The following SLC6A2 variants were observed in gnomAD, a reference collection of about 807,000 sequenced individuals.
SLC6A2 encodes the protein solute carrier family 6 member 2, also known as sodium-dependent noradrenaline transporter.
A neutral mutation model predicts 71.7 loss-of-function variants in SLC6A2; 26 were observed. The observed-to-expected ratio is 0.36, with a 90% CI of 0.27 to 0.50. The LOEUF is 0.50. SLC6A2 is among the 20% of genes least tolerant of loss of function. The pLI is 0.96. For missense variants in SLC6A2, 581 were observed against 803.9 expected, an observed-to-expected ratio of 0.72 and a Z score of 3.35; for synonymous variants, 363 against 337.9, an observed-to-expected ratio of 1.07 and a Z score of -0.82.
chr16:55,683,587 T>C (rs1965348470), intron 4 of SLC6A2, among the ~76,000 whole-genome samples: 2 of 151,920 alleles, frequency 1.3e-5, no homozygotes, highest in African/African-American at 4.8e-5. Context: ...CACTCCAGCC[T>C]GGGCAACAGT....
At chr16:55,701,449 A>T (rs1406021049) in intron 13 of SLC6A2, among the ~76,000 whole-genome samples, 1 of 152,186 alleles carries the variant, frequency 6.6e-6, no homozygotes, top group Non-Finnish European at 1.5e-5. Context: ...CCTCCACTGC[A>T]GGAGGGCTTT....
At position 55,685,061 on chromosome 16, in the gene SLC6A2, G is replaced by A. The variant is rs569909630; in HGVS notation, c.645-82G>A. On this transcript the variant is annotated intron_variant, in intron 4 of 14. Coordinates refer to ENST00000568943, the MANE Select transcript of SLC6A2 (RefSeq NM_001172501.3). Reference sequence around the variant, plus strand: ...GTCCTGTCTCCATCAGCATGCATTTGCAGGGACTGGTCTGTGGTCACGGCC... The same window carrying A: ...GTCCTGTCTCCATCAGCATGCATTTACAGGGACTGGTCTGTGGTCACGGCC... 4 of 1,386,500 alleles carry A rather than the reference G, an allele frequency of 2.9e-6. No individual in the cohort carries two copies. The South Asian group carries it at 4.7e-5, about 16-fold the overall frequency. 85.9% of individuals were successfully genotyped at this position (1,386,500 alleles called of 1,614,324 possible).
Position 55,703,576 on chromosome 16 carries a change from A to G in SLC6A2, c.*1230A>G, listed in dbSNP as rs898757322. The G allele has an allele frequency of 1.7e-5, 17 of 985,310 alleles. No homozygotes were observed. The highest frequency in any genetic ancestry group is 5.2e-4 in the Middle Eastern group (1 of 1,936). The allele number at this position is 985,310 out of a possible 1,614,324, so 61.0% of individuals were successfully genotyped here. A position where few individuals can be genotyped will look rare whatever the true frequency, so the allele number is the denominator to read the frequency against. Reference sequence around the variant, plus strand: ...TCTACTTGGATCTACTTCTGATACAAACTTGCACTTGGTGCCCTCTGGTGG... The same window carrying G: ...TCTACTTGGATCTACTTCTGATACAGACTTGCACTTGGTGCCCTCTGGTGG... On this transcript the variant is annotated 3_prime_UTR_variant, in exon 15 of 15. Coordinates refer to ENST00000568943, the MANE Select transcript of SLC6A2 (RefSeq NM_001172501.3).
chr16:55,677,718 G>A (rs1965138169), intron 4 of SLC6A2, among the ~76,000 whole-genome samples: 1 of 152,066 alleles, frequency 6.6e-6, no homozygotes, highest in Admixed American at 6.6e-5. Flanking sequence ...GTCACCCAGT[G>A]GCACAGTCTC....
At chr16:55,697,842 C>T (rs1965846692) in intron 9 of SLC6A2, 55 bp from the exon 10 acceptor site, 2 of 1,607,126 alleles carry the variant, frequency 1.2e-6, no homozygotes, top group African/African-American at 1.3e-5. Flanking sequence ...GGGCCTGAGA[C>T]TGAGGTCCAG....
chr16:55,684,213 C>T (rs1567445574), intron 4 of SLC6A2, among the ~76,000 whole-genome samples: 1 of 151,210 alleles, frequency 6.6e-6, no homozygotes, highest in Non-Finnish European at 1.5e-5. Context: ...GGTGGGAGGA[C>T]CACCTGAGCC....
At chr16:55,682,616 C>T (rs1965309133) in intron 4 of SLC6A2, among the ~76,000 whole-genome samples, 2 of 152,154 alleles carry the variant, frequency 1.3e-5, no homozygotes, top group African/African-American at 4.8e-5. Context: ...CCTGGGAGAC[C>T]CTTGTATACA....
chr16:55,678,042 T>C (rs559277369), intron 4 of SLC6A2, among the ~76,000 whole-genome samples: 15 of 152,304 alleles, frequency 9.8e-5, no homozygotes, highest in East Asian at 1.9e-4. Context: ...CCACTATCCA[T>C]GCAAACCTTC....
intron 4 of SLC6A2, among the ~76,000 whole-genome samples, chr16:55,679,473 C>A (rs187489190): frequency 6.6e-6 from 1 of 152,158 alleles, no homozygotes; most frequent in Non-Finnish European, 1.5e-5. Context: ...GTGATCCACC[C>A]GCCTTGGCCT....
chr16:55,699,673 G>A lies in SLC6A2; in HGVS notation c.1590+19G>A. 2 of 1,551,390 alleles carry A rather than the reference G, an allele frequency of 1.3e-6. No homozygotes were observed. Among genetic ancestry groups the A allele is most frequent in the Middle Eastern group, 1.7e-4 (1 of 5,956 alleles). ...CCTCCTGGTGTGTAGTGTCTGCAGG[G>A]AAGTCCTGCATGTGGGGAGGGGGCT... On this transcript the variant is annotated intron_variant, in intron 12 of 14. Coordinates refer to ENST00000568943, the MANE Select transcript of SLC6A2 (RefSeq NM_001172501.3).
chr16:55,699,446 A>T, intron 11 of SLC6A2, 108 bp from the exon 12 acceptor site: 1 of 828,326 alleles, frequency 1.2e-6, no homozygotes, highest in Non-Finnish European at 2.1e-6. Context: ...GGGTATCAGC[A>T]TCTTGCCTCA....
intron 7 of SLC6A2, 34 bp from the exon 8 acceptor site, chr16:55,695,244 A>C: frequency 6.2e-7 from 1 of 1,613,670 alleles, no homozygotes; most frequent in Non-Finnish European, 8.5e-7. Context: ...TGAGGGTGTC[A>C]AGGGACTTGA....
intron 13 of SLC6A2, among the ~76,000 whole-genome samples, chr16:55,701,631 C>G (rs1965973918): frequency 6.6e-6 from 1 of 152,176 alleles, no homozygotes; most frequent in Non-Finnish European, 1.5e-5. Flanking sequence ...ATCCACAGGG[C>G]CTAGCCCCAT....
intron 4 of SLC6A2, among the ~76,000 whole-genome samples, chr16:55,673,065 T>G (rs1964973600): frequency 6.6e-6 from 1 of 152,232 alleles, no homozygotes; most frequent in Non-Finnish European, 1.5e-5. Flanking sequence ...CATGTTCTTT[T>G]CAGGTATTTA....
At chr16:55,675,829 C>A (rs1274576846) in intron 4 of SLC6A2, among the ~76,000 whole-genome samples, 1 of 152,168 alleles carries the variant, frequency 6.6e-6, no homozygotes, top group Non-Finnish European at 1.5e-5. Flanking sequence ...TCCTCTCCTT[C>A]AGTCCTATGG....
intron 12 of SLC6A2, 107 bp downstream of exon 12, chr16:55,699,761 A>AG: frequency 1.2e-6 from 1 of 827,794 alleles, no homozygotes; most frequent in Non-Finnish European, 2.1e-6. Flanking sequence ...TGGGATCCAG[A>AG]GGCCCTGGTC....
At chr16:55,683,376 C>T (rs969213028) in intron 4 of SLC6A2, among the ~76,000 whole-genome samples, 2 of 152,128 alleles carry the variant, frequency 1.3e-5, no homozygotes, top group Non-Finnish European at 1.5e-5. Flanking sequence ...CTTTGGGAGG[C>T]CAAGGCAGGT....
intron 5 of SLC6A2, among the ~76,000 whole-genome samples, chr16:55,685,551 T>G (rs1176873780): frequency 6.6e-6 from 1 of 152,102 alleles, no homozygotes; most frequent in Non-Finnish European, 1.5e-5. Context: ...ACCTCCCTAA[T>G]AGCAGAGACC....
chr16:55,683,447 A>C (rs1389321716), intron 4 of SLC6A2, among the ~76,000 whole-genome samples: 3 of 152,104 alleles, frequency 2.0e-5, no homozygotes, highest in Non-Finnish European at 2.9e-5. Context: ...CACTATCTCT[A>C]CTAAAAATAC....
Sources: allele counts gnomAD v4.1 joint callset (sites outside exome capture counted in the v4.1 genomes callset), GRCh38; gene constraint gnomAD v4.1.1; transcripts MANE v1.5; gene names NCBI Gene and HGNC (gene_info 2026-07-23, HGNC 2026-07-21).